The following NOSTRIN variants were observed in gnomAD, a reference collection of about 807,000 sequenced individuals.
The protein encoded by NOSTRIN is BM247 homolog.
In NOSTRIN, 63 loss-of-function variants were observed where a neutral mutation model predicts 59.0. The ratio of observed to expected loss-of-function variants is 1.07; its 90% CI spans 0.87 to 1.32. The LOEUF (loss-of-function observed/expected upper bound fraction) is 1.32. NOSTRIN is among the 40% of genes most tolerant of loss of function. NOSTRIN has a pLI of 0.00. For missense variants in NOSTRIN, 512 were observed against 473.1 expected (o/e 1.08, Z -0.76); for synonymous variants, 200 against 165.4 (o/e 1.21, Z -1.61).
upstream of NOSTRIN, among the ~76,000 whole-genome samples, chr2:168,795,353 G>A (rs1373817029): frequency 6.6e-6 from 1 of 152,208 alleles, no homozygotes; most frequent in African/African-American, 2.4e-5. Flanking sequence ...GTGATTAAAT[G>A]AAGATATAAT....
chr2:168,828,063 G>A, intron 3 of NOSTRIN, 95 bp from the exon 4 acceptor site: 1 of 796,722 alleles, frequency 1.3e-6, no homozygotes, highest in Non-Finnish European at 2.3e-6. Context: ...TGTTGAATGT[G>A]GTGAATCAGA....
chr2:168,833,736 C>T (rs1054179307), intron 6 of NOSTRIN, among the ~76,000 whole-genome samples: 3 of 152,190 alleles, frequency 2.0e-5, no homozygotes, highest in Non-Finnish European at 2.9e-5. Flanking sequence ...CAGACAAATG[C>T]CCAACTCTCA....
At chr2:168,849,732 A>G (rs1272608114) in intron 8 of NOSTRIN, among the ~76,000 whole-genome samples, 1 of 150,736 alleles carries the variant, frequency 6.6e-6, no homozygotes, top group Non-Finnish European at 1.5e-5. Flanking sequence ...TCTCCATCAA[A>G]GCCCAAAGTC....
chr2:168,859,615 C>G lies in NOSTRIN; in HGVS notation c.1157C>G (p.Ser386Cys), dbSNP rs1448028521. The G allele has an allele frequency of 1.9e-6, 3 of 1,613,940 alleles. No homozygotes were observed. The South Asian group carries it at 3.3e-5, about 18-fold the overall frequency. Residue 386 changes from serine to cysteine, a missense_variant, in exon 13 of 16, where the codon TCC becomes TGC. By Grantham distance (112) the Ser-to-Cys change is moderately radical (BLOSUM62 -1). Transcript: ENST00000317647. ...RPQPSHPCSNSIFRWREKEHT... is the reference protein window; with the variant it reads ...RPQPSHPCSNCIFRWREKEHT... ...CAACCCAGCCATCCTTGTAGTAATT[C>G]CATCTTCAGGTGGAGGGAAAAGGTA...
intron 6 of NOSTRIN, among the ~76,000 whole-genome samples, chr2:168,833,074 GTCATTTTTTTAAATAAAAGATT>G (rs1282245688): frequency 1.3e-5 from 2 of 152,274 alleles, no homozygotes; most frequent in Non-Finnish European, 2.9e-5. Flanking sequence ...TTTCTATCAA[GTCATTTTTTTAAATAAAAGATT>G]TCATTTTTTT....
Position 168,839,170 on chromosome 2 carries a change from G to A in NOSTRIN, c.505-3822G>A, listed in dbSNP as rs113749088. ...TCAACATCACCTCTCCCCATTCTCC[G>A]TCGTAAGCTGTGTGATCCAACTTCA... On this transcript the variant is annotated intron_variant, in intron 7 of 15. Transcript: ENST00000317647. 2.7e-3 allele frequency among the ~76,000 whole-genome samples: 413 copies of A among 152,132 alleles called. 1 individual carries two copies. Among genetic ancestry groups the A allele is most frequent in the African/African-American group, 9.5e-3 (394 of 41,508 alleles).
At chr2:168,825,208 T>G (rs1445225878) in intron 3 of NOSTRIN, among the ~76,000 whole-genome samples, 2 of 152,244 alleles carry the variant, frequency 1.3e-5, no homozygotes, top group Admixed American at 1.3e-4. Flanking sequence ...ATACTCCCAT[T>G]TAATCCTCAT....
At chr2:168,863,281 T>G (rs1574347952) in intron 15 of NOSTRIN, 2 of 424,882 alleles carry the variant, frequency 4.7e-6, no homozygotes, top group East Asian at 1.6e-4. Flanking sequence ...GAGGGAGAAC[T>G]TAGAGACCGA....
intron 7 of NOSTRIN, among the ~76,000 whole-genome samples, chr2:168,840,546 A>AAC (rs201324325): frequency 0.015 from 2,180 of 150,088 alleles, 45 homozygotes; most frequent in African/African-American, 0.05. Context: ...AAAAAAAAAA[A>AAC]AAAAACAAAA....
In NOSTRIN at chr2:168,848,743, G is replaced by C. The variant is rs552720030; in HGVS notation, c.631-2341G>C. On this transcript the variant is annotated intron_variant, in intron 8 of 15. Transcript: ENST00000317647. The stretch of plus-strand genomic sequence containing the variant: ...AGAGGTATCAAGAGTAGTTAAATTT[G>C]TAGAGACAGAAAGTAGAATGGTGGT... Among the ~76,000 whole-genome samples the C allele has an allele frequency of 2.6e-5, 4 of 152,304 alleles. No individual in the cohort carries two copies. In the East Asian group the frequency reaches 7.7e-4, roughly 29 times the overall value.
intron 2 of NOSTRIN, chr2:168,818,055 A>G (rs1381130990): frequency 6.1e-6 from 1 of 163,462 alleles, no homozygotes; most frequent in Non-Finnish European, 1.4e-5. Flanking sequence ...ATCCCAACAG[A>G]AGAATTTGAG....
At chr2:168,833,533 G>A (rs1453776567) in intron 6 of NOSTRIN, among the ~76,000 whole-genome samples, 1 of 152,176 alleles carries the variant, frequency 6.6e-6, no homozygotes, top group South Asian at 2.1e-4. Flanking sequence ...ACCAAATTCT[G>A]TTTGCATAAT....
chr2:168,840,353 A>G (rs1221438546), intron 7 of NOSTRIN, among the ~76,000 whole-genome samples: 1 of 151,828 alleles, frequency 6.6e-6, no homozygotes, highest in Non-Finnish European at 1.5e-5. Flanking sequence ...ACATGGTGAA[A>G]CCCCGTCTCT....
chr2:168,788,258 G>A (rs1040658545), intron 2 of NOSTRIN, among the ~76,000 whole-genome samples: 8 of 144,516 alleles, frequency 5.5e-5, no homozygotes, highest in Admixed American at 1.4e-4. Flanking sequence ...AAAAAAAAAA[G>A]ATGATGATAT....
At chr2:168,819,575 T>C (rs571920202) in intron 2 of NOSTRIN, among the ~76,000 whole-genome samples, 1 of 152,322 alleles carries the variant, frequency 6.6e-6, no homozygotes, top group African/African-American at 2.4e-5. Context: ...GTTATAACTG[T>C]GCAGAAAGAG....
At chr2:168,790,919 A>G (rs923617476) in intron 2 of NOSTRIN, among the ~76,000 whole-genome samples, 3 of 152,230 alleles carry the variant, frequency 2.0e-5, no homozygotes, top group South Asian at 2.1e-4. Flanking sequence ...AAGGAAAAAA[A>G]TCCTTGTAAC....
At chr2:168,864,214 TAATCTGCCC>T (rs2105808405) in intron 15 of NOSTRIN, among the ~76,000 whole-genome samples, 1 of 151,962 alleles carries the variant, frequency 6.6e-6, no homozygotes, top group South Asian at 2.1e-4. Context: ...GTAATCTGCC[TAATCTGCCC>T]ATCGCGGCCT....
intron 7 of NOSTRIN, among the ~76,000 whole-genome samples, chr2:168,839,557 G>A (rs1253369878): frequency 6.6e-6 from 1 of 152,130 alleles, no homozygotes; most frequent in Non-Finnish European, 1.5e-5. Flanking sequence ...GGGACGAAAG[G>A]AAAAGAAGTC....
At chr2:168,808,512 C>T (rs369419051) in intron 1 of NOSTRIN, among the ~76,000 whole-genome samples, 9 of 152,336 alleles carry the variant, frequency 5.9e-5, no homozygotes, top group Admixed American at 3.3e-4. Context: ...GCATCCAGGT[C>T]TTTCTCTCTT....
Sources: gnomAD v4.1 joint callset for allele counts (sites outside exome capture counted in the v4.1 genomes callset) on GRCh38, gnomAD v4.1.1 for gene constraint, MANE v1.5 for transcripts, NCBI Gene and HGNC (gene_info 2026-07-23, HGNC 2026-07-21) for gene names.